Variants in KCNJ15 observed in about 807,000 individuals in gnomAD.
KCNJ15 encodes potassium inwardly rectifying channel subfamily J member 15, also known as ATP-sensitive inward rectifier potassium channel 15.
A neutral mutation model predicts 23.0 loss-of-function variants in KCNJ15; 14 were observed. The ratio of observed to expected loss-of-function variants is 0.61; its 90% CI spans 0.40 to 0.95. The LOEUF (loss-of-function observed/expected upper bound fraction) is 0.95. Ranked by LOEUF, KCNJ15 falls within the 40% of genes least tolerant of loss-of-function variation. The pLI is 0.00. For missense variants in KCNJ15, 388 were observed against 461.8 expected, an observed-to-expected ratio of 0.84 and a Z score of 1.46; for synonymous variants, 185 against 183.2, an observed-to-expected ratio of 1.01 and a Z score of -0.08.
intron 1 of KCNJ15, among the ~76,000 whole-genome samples, chr21:38,251,033 A>T (rs1979791811): frequency 6.6e-6 from 1 of 152,106 alleles, no homozygotes; most frequent in Non-Finnish European, 1.5e-5. Flanking sequence ...CCACAATAAG[A>T]CAACAATAGA....
upstream of KCNJ15, among the ~76,000 whole-genome samples, chr21:38,252,160 C>G (rs1307559720): frequency 6.6e-6 from 1 of 152,150 alleles, no homozygotes; most frequent in Non-Finnish European, 1.5e-5. Flanking sequence ...CTAAACTGTC[C>G]CAGAGATCAG....
chr21:38,306,709 A>T lies in KCNJ15; in HGVS notation c.*6320A>T, dbSNP rs1986068556. ...CGAAGTGTTACGTAGCAGCCAGGAG[A>T]GGAAGGATAGCAGCCGACTTGGATC... On this transcript the variant is annotated 3_prime_UTR_variant, in exon 3 of 3. Transcript: ENST00000398938. 1 of 152,200 alleles carries T rather than the reference A, an allele frequency of 6.6e-6. No individual in the cohort carries two copies. The allele number at this position is 152,200 out of a possible 1,614,324, so 9.4% of individuals were successfully genotyped here.
intron 1 of KCNJ15, among the ~76,000 whole-genome samples, chr21:38,259,475 C>A (rs1037960708): frequency 1.3e-5 from 2 of 152,130 alleles, no homozygotes; most frequent in South Asian, 2.1e-4. Context: ...AAGCATTGCA[C>A]CCCGGATTAA....
intron 1 of KCNJ15, among the ~76,000 whole-genome samples, chr21:38,231,587 G>A (rs938004357): frequency 2.6e-5 from 4 of 151,630 alleles, no homozygotes; most frequent in African/African-American, 9.7e-5. Context: ...TGTATTGTTT[G>A]TTTTGTTTTT....
chr21:38,299,524 T>C lies in KCNJ15; in HGVS notation c.263T>C (p.Ile88Thr), dbSNP rs559895863. 10 of 1,614,182 alleles carry C rather than the reference T, an allele frequency of 6.2e-6. No homozygotes were observed. Among genetic ancestry groups the C allele is most frequent in the Non-Finnish European group, 8.5e-6 (10 of 1,180,030 alleles). Reference sequence around the variant, plus strand: ...CTTTTTGGAGTCATCTACTATGCCATCGCGTTTATTCATGGGGACTTAGAA... The same window carrying C: ...CTTTTTGGAGTCATCTACTATGCCACCGCGTTTATTCATGGGGACTTAGAA... The part of the protein sequence containing the change: ...WFLFGVIYYA[I>T]AFIHGDLEPG... The change falls in exon 3 of 3, where the codon ATC (isoleucine) becomes ACC (threonine). Residue 88 changes from isoleucine to threonine, a missense_variant. Physicochemically the swap from Ile to Thr is moderately conservative, Grantham distance 89. Transcript: ENST00000398938. This position sits in a 1 kb window ranked among gnomAD's most constrained non-coding sequence, Gnocchi z 4.5.
intron 1 of KCNJ15, among the ~76,000 whole-genome samples, chr21:38,244,266 T>C (rs1979215715): frequency 1.3e-5 from 2 of 152,164 alleles, no homozygotes; most frequent in African/African-American, 4.8e-5. Flanking sequence ...TTTGATGTGT[T>C]TTGTGTAACG....
At chr21:38,297,490 C>T (rs183678577) in intron 2 of KCNJ15, among the ~76,000 whole-genome samples, 3 of 152,338 alleles carry the variant, frequency 2.0e-5, no homozygotes, top group African/African-American at 7.2e-5. Context: ...GCAGTTTCCT[C>T]AGCAGCTTAA....
At chr21:38,286,103 C>T (rs1447958003) in intron 1 of KCNJ15, among the ~76,000 whole-genome samples, 3 of 152,052 alleles carry the variant, frequency 2.0e-5, no homozygotes, top group African/African-American at 4.8e-5. Flanking sequence ...ATTAGCTGGG[C>T]GTGGTGGCGG....
rs926696393 is a variant in KCNJ15 at position 38,300,946 on chromosome 21, C to A, written c.*557C>A. ...ACAAAATATAGTAATTTCATTTTTA[C>A]CTTTCTTCAGTGGACTGAATTGTAT... On this transcript the variant is annotated 3_prime_UTR_variant, in exon 3 of 3. Coordinates refer to ENST00000398938, the MANE Select transcript of KCNJ15 (RefSeq NM_170736.3). 2 of 167,136 alleles carry A rather than the reference C, an allele frequency of 1.2e-5. No homozygotes were observed. The highest frequency in any genetic ancestry group is 4.8e-5 in the African/African-American group (2 of 41,430). The allele number at this position is 167,136 out of a possible 1,614,324, so 10.4% of individuals were successfully genotyped here.
At chr21:38,286,550 G>A (rs1983935635) in intron 1 of KCNJ15, among the ~76,000 whole-genome samples, 1 of 152,186 alleles carries the variant, frequency 6.6e-6, no homozygotes, top group African/African-American at 2.4e-5. Flanking sequence ...TTTGTTAAGT[G>A]TCCAGCCAAT....
rs117595560 is a variant in KCNJ15 at position 38,237,967 on chromosome 21, C to T, written c.-398-19079C>T. The T allele has an allele frequency of 1.7e-3, 284 of 168,776 alleles. 1 individual carries two copies. Among genetic ancestry groups the T allele is most frequent in the Non-Finnish European group, 3.0e-3 (250 of 84,040 alleles). The allele number at this position is 168,776 out of a possible 1,614,324, so 10.5% of individuals were successfully genotyped here. On this transcript the variant is annotated intron_variant, in intron 1 of 4. Coordinates refer to the KCNJ15 transcript ENST00000547341. ...AAGCTAAAAACAACAACAAGAACAACAGTAACAATAACGATAGAAAGCAAA... is the reference window on the plus strand; with the variant it reads ...AAGCTAAAAACAACAACAAGAACAATAGTAACAATAACGATAGAAAGCAAA...
chr21:38,269,682 A>G (rs1366721242), intron 1 of KCNJ15, among the ~76,000 whole-genome samples: 1 of 152,164 alleles, frequency 6.6e-6, no homozygotes, highest in Non-Finnish European at 1.5e-5. Flanking sequence ...AATCCCTGTA[A>G]ACTATAAATT....
At chr21:38,291,610 C>G (rs547527317) in intron 1 of KCNJ15, 1 of 152,280 alleles carries the variant, frequency 6.6e-6, no homozygotes, top group Non-Finnish European at 1.5e-5. Flanking sequence ...TTCCAGATAA[C>G]TTTTAAGTGG....
intron 1 of KCNJ15, among the ~76,000 whole-genome samples, chr21:38,248,481 T>C (rs1381582013): frequency 6.6e-6 from 1 of 152,226 alleles, no homozygotes; most frequent in Admixed American, 6.5e-5. Flanking sequence ...ATTCAAGTGG[T>C]TGGACAATAA....
At chr21:38,238,466 C>T (rs1440481566) in intron 1 of KCNJ15, 1 of 661,122 alleles carries the variant, frequency 1.5e-6, no homozygotes, top group Non-Finnish European at 2.9e-6. Context: ...TGGCGGTCTC[C>T]ACAGATGGTG....
At chr21:38,241,459 G>T (rs1978988268) in intron 1 of KCNJ15, among the ~76,000 whole-genome samples, 1 of 152,198 alleles carries the variant, frequency 6.6e-6, no homozygotes, top group Admixed American at 6.5e-5. Flanking sequence ...CCGGCGAATG[G>T]CAGAGGCCTG....
chr21:38,244,537 C>A (rs1490630847), intron 1 of KCNJ15, among the ~76,000 whole-genome samples: 1 of 152,156 alleles, frequency 6.6e-6, no homozygotes, highest in Non-Finnish European at 1.5e-5. Flanking sequence ...AGGCAGTGCC[C>A]TTATCTGATC....
intron 1 of KCNJ15, among the ~76,000 whole-genome samples, chr21:38,292,182 T>C (rs1318021455): frequency 6.6e-6 from 1 of 152,234 alleles, no homozygotes; most frequent in Non-Finnish European, 1.5e-5. Flanking sequence ...TGTGAATGCA[T>C]GTAAATTATT....
chr21:38,292,547 G>T (rs553768785), intron 1 of KCNJ15, among the ~76,000 whole-genome samples: 1 of 152,272 alleles, frequency 6.6e-6, no homozygotes, highest in Admixed American at 6.5e-5. Context: ...AAGATAATTA[G>T]TCACCTTTTC....
Sources: allele counts gnomAD v4.1 joint callset (sites outside exome capture counted in the v4.1 genomes callset), GRCh38; gene constraint gnomAD v4.1.1; non-coding constraint Gnocchi (gnomAD v3.1); transcripts MANE v1.5; gene names NCBI Gene and HGNC (gene_info 2026-07-23, HGNC 2026-07-21).